Variants in GRM7 observed in about 807,000 individuals in gnomAD.
GRM7 encodes the protein metabotropic glutamate receptor 7.
GRM7 carries 35 observed loss-of-function variants against 84.5 expected under a neutral mutation model. The observed-to-expected ratio is 0.41, with a 90% CI of 0.32 to 0.55. The LOEUF is 0.55. Ranked by LOEUF, GRM7 falls within the 20% of genes least tolerant of loss-of-function variation. The probability of loss-of-function intolerance (pLI) is 0.19; values close to 1 mark genes in which losing one functional copy is unlikely to be tolerated. For missense variants in GRM7, 1,003 were observed against 1,194.6 expected (o/e 0.84, Z 2.36); for synonymous variants, 487 against 455.1 (o/e 1.07, Z -0.89).
intron 4 of GRM7, among the ~76,000 whole-genome samples, chr3:7,408,473 A>G (rs943389218): frequency 1.3e-5 from 2 of 152,192 alleles, no homozygotes; most frequent in Non-Finnish European, 1.5e-5. Context: ...TCTCTCATCA[A>G]TAGACACACC....
chr3:7,500,731 ACTT>A (rs978952641), intron 7 of GRM7, among the ~76,000 whole-genome samples: 2 of 152,158 alleles, frequency 1.3e-5, no homozygotes, highest in Admixed American at 1.3e-4. Flanking sequence ...GAGCCACATG[ACTT>A]CTTTTGGTCA....
chr3:7,284,194 C>A (rs7617378), intron 2 of GRM7, among the ~76,000 whole-genome samples: 6,294 of 152,104 alleles, frequency 0.041, 440 homozygotes, highest in African/African-American at 0.14. Flanking sequence ...CTCATAATCA[C>A]AGATACATGT....
chr3:7,396,685 TA>T (rs1231061133), intron 4 of GRM7, among the ~76,000 whole-genome samples: 1 of 152,084 alleles, frequency 6.6e-6, no homozygotes, highest in Non-Finnish European at 1.5e-5. Flanking sequence ...GCTGGGAGTA[TA>T]AAATGAGCTC....
intron 1 of GRM7, among the ~76,000 whole-genome samples, chr3:7,122,266 G>A (rs1693252153): frequency 6.6e-6 from 1 of 152,188 alleles, no homozygotes; most frequent in African/African-American, 2.4e-5. Flanking sequence ...GCATCCTGAT[G>A]TATTTACTGC....
chr3:7,092,550 T>A (rs764048998), intron 1 of GRM7, among the ~76,000 whole-genome samples: 1 of 150,722 alleles, frequency 6.6e-6, no homozygotes, highest in African/African-American at 2.4e-5. Flanking sequence ...TTAGGTCTTA[T>A]TGTTTGTTCT....
chr3:7,434,733 G>A (rs35116224), intron 5 of GRM7, among the ~76,000 whole-genome samples: 59,683 of 151,822 alleles, frequency 0.39, 12,198 homozygotes, highest in Non-Finnish European at 0.44. Context: ...TTAATCATGA[G>A]TATTGGTTTA....
intron 6 of GRM7, among the ~76,000 whole-genome samples, chr3:7,455,589 TCAAA>T (rs200030189): frequency 0.041 from 6,259 of 152,208 alleles, 170 homozygotes; most frequent in South Asian, 0.069. Context: ...TAAGGAAACA[TCAAA>T]CAAATCCAAA....
rs532402368 is a variant in GRM7 at position 6,898,277 on chromosome 3, C to A, written c.519+36370C>A. ...AGACCCAGAAAGCTTCAGGGTAGAA[C>A]TGGCATTTGAATTGGGCGTGAAAGG... is the stretch of plus-strand genomic sequence containing the variant. On this transcript the variant is annotated intron_variant, in intron 1 of 9. Transcript: ENST00000357716. 5.5e-4 allele frequency among the ~76,000 whole-genome samples: 83 copies of A among 152,002 alleles called. 1 individual carries two copies. The highest frequency in any genetic ancestry group is 4.1e-3 in the Admixed American group (63 of 15,262).
rs549302895 is a variant in GRM7 at position 7,196,988 on chromosome 3, T to C, written c.736+50320T>C. On this transcript the variant is annotated intron_variant, in intron 2 of 9. Coordinates refer to ENST00000357716, the MANE Select transcript of GRM7 (RefSeq NM_000844.4). ...GGGCAATTTGAAACACTTTAATAGA[T>C]GGTTTTCTACCAAAGGTAGACTTTT... Among the ~76,000 whole-genome samples, 13 of 152,282 alleles carry C rather than the reference T, an allele frequency of 8.5e-5. No individual in the cohort carries two copies. The South Asian group carries it at 2.5e-3, about 29-fold the overall frequency.
intron 1 of GRM7, among the ~76,000 whole-genome samples, chr3:6,921,860 G>A (rs1469514816): frequency 6.6e-6 from 1 of 152,070 alleles, no homozygotes; most frequent in Non-Finnish European, 1.5e-5. Context: ...TAGAACACAG[G>A]ACAAGCCTAA....
At chr3:7,621,418 A>T (rs574363512) in intron 8 of GRM7, among the ~76,000 whole-genome samples, 1 of 152,120 alleles carries the variant, frequency 6.6e-6, no homozygotes, top group Non-Finnish European at 1.5e-5. Context: ...TCATTTAGTT[A>T]ATTAAACACA....
At chr3:7,359,293 C>A in intron 4 of GRM7, among the ~76,000 whole-genome samples, 1 of 137,482 alleles carries the variant, frequency 7.3e-6, no homozygotes, top group East Asian at 2.0e-4. Flanking sequence ...TCATTAGGCA[C>A]CTCACAAAAA....
intron 8 of GRM7, among the ~76,000 whole-genome samples, chr3:7,669,959 T>A (rs1306204497): frequency 6.8e-6 from 1 of 147,260 alleles, no homozygotes; most frequent in African/African-American, 2.7e-5. Context: ...TTCTTGGGCT[T>A]AAACCATTAA....
chr3:6,949,428 G>A (rs1396424084), intron 1 of GRM7, among the ~76,000 whole-genome samples: 1 of 152,162 alleles, frequency 6.6e-6, no homozygotes, highest in Non-Finnish European at 1.5e-5. Context: ...GAGATCTGCT[G>A]TTAGTCTGAT....
In GRM7 at chr3:7,112,902, G is replaced by A. The variant is rs148758345; in HGVS notation, c.520-33550G>A. On this transcript the variant is annotated intron_variant, in intron 1 of 9. Coordinates refer to ENST00000357716, the MANE Select transcript of GRM7 (RefSeq NM_000844.4). The stretch of plus-strand genomic sequence containing the variant: ...TACCACTTCCTGTTAACTTTGAACA[G>A]AAGCTCCTTCCCTTTCAGCAGCCTG... Among the ~76,000 whole-genome samples, 376 of 152,286 alleles carry A rather than the reference G, an allele frequency of 2.5e-3. 3 individuals are homozygous for A. Among genetic ancestry groups the A allele is most frequent in the Middle Eastern group, 0.014 (4 of 294 alleles).
intron 8 of GRM7, among the ~76,000 whole-genome samples, chr3:7,655,630 G>A (rs1033597969): frequency 2.0e-5 from 3 of 152,176 alleles, no homozygotes; most frequent in African/African-American, 4.8e-5. Flanking sequence ...ATTGCCCATA[G>A]AGAGGGATCT....
At chr3:7,568,612 G>A (rs528565774) in intron 7 of GRM7, among the ~76,000 whole-genome samples, 70 of 152,336 alleles carry the variant, frequency 4.6e-4, no homozygotes, top group Non-Finnish European at 7.6e-4. Flanking sequence ...AGGCGCAAGC[G>A]GGAACCGGGG....
intron 6 of GRM7, among the ~76,000 whole-genome samples, chr3:7,457,607 A>G (rs531304512): frequency 6.6e-6 from 1 of 152,288 alleles, no homozygotes; most frequent in East Asian, 1.9e-4. Context: ...CTTTTTTTGC[A>G]ATATGATGTT....
intron 1 of GRM7, among the ~76,000 whole-genome samples, chr3:7,121,708 T>C (rs1402090947): frequency 2.6e-5 from 4 of 152,054 alleles, no homozygotes; most frequent in Non-Finnish European, 5.9e-5. Context: ...ATACTGCAAA[T>C]ATCAATGAGG....
Sources: allele counts gnomAD v4.1 joint callset (sites outside exome capture counted in the v4.1 genomes callset), GRCh38; gene constraint gnomAD v4.1.1; transcripts MANE v1.5; gene names NCBI Gene and HGNC (gene_info 2026-07-23, HGNC 2026-07-21).